The following KLF12 variants were observed in gnomAD, a reference collection of about 807,000 sequenced individuals.
The protein encoded by KLF12 is Krueppel-like factor 12.
In KLF12, 9 loss-of-function variants were observed where a neutral mutation model predicts 37.8. The ratio of observed to expected loss-of-function variants is 0.24; its 90% CI spans 0.14 to 0.42. The LOEUF (loss-of-function observed/expected upper bound fraction) is 0.42, where lower values mean the gene tolerates loss of function less well. KLF12 is among the 10% of genes least tolerant of loss of function. KLF12 has a pLI of 1.00. For missense variants in KLF12, 411 were observed against 516.0 expected (o/e 0.80, Z 1.97); for synonymous variants, 208 against 202.1 (o/e 1.03, Z -0.25).
At chr13:73,810,643 A>G (rs1262181090) in intron 5 of KLF12, among the ~76,000 whole-genome samples, 17 of 107,392 alleles carry the variant, frequency 1.6e-4, no homozygotes, top group Admixed American at 1.4e-3. Flanking sequence ...ATATATTTAT[A>G]AAGACACACA....
chr13:73,847,042 G>A (rs1885069420), intron 3 of KLF12, among the ~76,000 whole-genome samples: 1 of 152,072 alleles, frequency 6.6e-6, no homozygotes, highest in Non-Finnish European at 1.5e-5. Context: ...AAGTTCACCT[G>A]CACTCTTTTA....
At chr13:74,236,174 T>C in the KLF12 span, among the ~76,000 whole-genome samples, 1 of 145,152 alleles carries the variant, frequency 6.9e-6, no homozygotes, top group Non-Finnish European at 1.5e-5. Flanking sequence ...AATTCCCACC[T>C]ATGAGTGAGA....
upstream of KLF12, among the ~76,000 whole-genome samples, chr13:74,135,647 T>G (rs1439253015): frequency 1.3e-5 from 2 of 151,552 alleles, no homozygotes; most frequent in African/African-American, 2.4e-5. Context: ...GCCCGCCTCC[T>G]CACCATCCTA....
the KLF12 span, among the ~76,000 whole-genome samples, chr13:74,296,580 T>C: frequency 6.6e-6 from 1 of 152,182 alleles, no homozygotes; most frequent in African/African-American, 2.4e-5. Context: ...ATAAATCCTT[T>C]CATTTTCACT....
At chr13:73,710,456 C>A (rs948766075) in intron 7 of KLF12, among the ~76,000 whole-genome samples, 7 of 139,382 alleles carry the variant, frequency 5.0e-5, no homozygotes, top group African/African-American at 2.0e-4. Context: ...CTATGTCAGG[C>A]AAGTTTACTG....
At chr13:73,813,922 T>C (rs991274213) in intron 4 of KLF12, among the ~76,000 whole-genome samples, 1 of 152,238 alleles carries the variant, frequency 6.6e-6, no homozygotes, top group African/African-American at 2.4e-5. Flanking sequence ...TATCCTGTTT[T>C]ACTTTTCCAG....
chr13:74,263,493 C>T, the KLF12 span, among the ~76,000 whole-genome samples: 4 of 152,174 alleles, frequency 2.6e-5, no homozygotes, highest in Non-Finnish European at 4.4e-5. Flanking sequence ...GACACTCAAC[C>T]TGTTACTCTC....
At chr13:74,164,493 C>CA in the KLF12 span, among the ~76,000 whole-genome samples, 8 of 151,818 alleles carry the variant, frequency 5.3e-5, no homozygotes, top group East Asian at 1.9e-4. Context: ...GGATTTGTGA[C>CA]AAAAAAAGAA....
At chr13:74,110,000 G>A (rs1876883187) in intron 1 of KLF12, among the ~76,000 whole-genome samples, 1 of 152,256 alleles carries the variant, frequency 6.6e-6, no homozygotes, top group East Asian at 1.9e-4. Context: ...GTATAATATT[G>A]AAATGATGTG....
intron 1 of KLF12, among the ~76,000 whole-genome samples, chr13:74,033,304 T>A (rs2138495823): frequency 6.6e-6 from 1 of 152,296 alleles, no homozygotes; most frequent in South Asian, 2.1e-4. Context: ...GCCCTTTTAT[T>A]ATACATGCAC....
chr13:73,863,765 C>T (rs1371698730), intron 3 of KLF12, among the ~76,000 whole-genome samples: 1 of 152,080 alleles, frequency 6.6e-6, no homozygotes, highest in Non-Finnish European at 1.5e-5. Context: ...TGGGGCCATA[C>T]ATATTCAGGA....
intron 1 of KLF12, among the ~76,000 whole-genome samples, chr13:74,041,848 T>C (rs796105374): frequency 9.2e-5 from 14 of 152,254 alleles, no homozygotes; most frequent in African/African-American, 3.4e-4. Flanking sequence ...TGTGTGAAGG[T>C]ATTCAAGCTA....
At chr13:74,269,038 C>T in the KLF12 span, among the ~76,000 whole-genome samples, 2 of 152,042 alleles carry the variant, frequency 1.3e-5, no homozygotes, top group African/African-American at 4.8e-5. Flanking sequence ...CTTTGCATTG[C>T]CAAGTATAGC....
intron 1 of KLF12, among the ~76,000 whole-genome samples, chr13:74,130,448 C>A (rs1169270002): frequency 6.6e-6 from 1 of 152,114 alleles, no homozygotes; most frequent in Non-Finnish European, 1.5e-5. Flanking sequence ...TGCTTGAGGC[C>A]AGGAATTCAG....
intron 3 of KLF12, among the ~76,000 whole-genome samples, chr13:73,929,840 C>T (rs915231613): frequency 2.6e-5 from 4 of 152,298 alleles, no homozygotes; most frequent in South Asian, 4.1e-4. Context: ...ATGCATGGTA[C>T]AGCAGATGGG....
At chr13:73,939,528 A>T (rs1299720787) in intron 3 of KLF12, among the ~76,000 whole-genome samples, 2 of 152,220 alleles carry the variant, frequency 1.3e-5, no homozygotes, top group Non-Finnish European at 2.9e-5. Flanking sequence ...CTAATTTCAG[A>T]TCTACCTACC....
chr13:74,195,667 C>T, the KLF12 span, among the ~76,000 whole-genome samples: 7 of 151,558 alleles, frequency 4.6e-5, no homozygotes, highest in Non-Finnish European at 8.8e-5. Context: ...GGTGTGATCT[C>T]GGCTCACTGC....
upstream of KLF12, among the ~76,000 whole-genome samples, chr13:74,134,672 C>G (rs1878470909): frequency 6.6e-6 from 1 of 151,922 alleles, no homozygotes; most frequent in South Asian, 2.1e-4. Flanking sequence ...GCCGAGGGGG[C>G]CCGCGGGGGC....
At chr13:74,285,860 C>T in the KLF12 span, among the ~76,000 whole-genome samples, 2 of 152,150 alleles carry the variant, frequency 1.3e-5, no homozygotes, top group Non-Finnish European at 2.9e-5. Flanking sequence ...AAGCATTTTT[C>T]TAATAATTCT....
Sources: allele counts gnomAD v4.1 joint callset (sites outside exome capture counted in the v4.1 genomes callset), GRCh38; gene constraint gnomAD v4.1.1; transcripts MANE v1.5; gene names NCBI Gene and HGNC (gene_info 2026-07-23, HGNC 2026-07-21).